Variants in DSCAML1 observed in about 807,000 individuals in gnomAD.
DSCAML1 encodes the protein cell adhesion molecule DSCAML1.
Under a neutral mutation model 200.5 loss-of-function variants are expected in DSCAML1, and 38 were observed. The observed-to-expected ratio is 0.19, with a 90% CI of 0.15 to 0.25. The LOEUF (loss-of-function observed/expected upper bound fraction) is 0.25, where lower values mean the gene tolerates loss of function less well. Among genes scored for constraint, DSCAML1 ranks in the 10% least tolerant of loss-of-function variants. The pLI is 1.00. For missense variants in DSCAML1, 2,223 were observed against 2,858.8 expected (o/e 0.78, Z 5.07); for synonymous variants, 1,215 against 1,165.0 (o/e 1.04, Z -0.87).
intron 1 of DSCAML1, among the ~76,000 whole-genome samples, chr11:117,781,842 C>T (rs774112587): frequency 7.9e-5 from 12 of 152,252 alleles, no homozygotes; most frequent in Non-Finnish European, 1.6e-4. Context: ...AGTGGCAGGG[C>T]CACCTGACTC....
At chr11:117,722,905 C>T (rs1169570502) in intron 3 of DSCAML1, among the ~76,000 whole-genome samples, 1 of 152,106 alleles carries the variant, frequency 6.6e-6, no homozygotes. Context: ...CATGTCCTAC[C>T]CATAACTCCA....
rs530655312 is a variant in DSCAML1 at position 117,746,541 on chromosome 11, C to A, written c.511+30250G>T. Among the ~76,000 whole-genome samples, 47 of 152,262 alleles carry A rather than the reference C, an allele frequency of 3.1e-4. No individual in the cohort carries two copies. The South Asian group carries it at 9.5e-3, about 31-fold the overall frequency. On this transcript the variant is annotated intron_variant, in intron 3 of 32. Transcript: ENST00000651296. ...AAGCCCTCAGGAGAGGGGCCAGTCT[C>A]CTCAGATCCAAGCCTCCCTCCGCGC...
intron 19 of DSCAML1, among the ~76,000 whole-genome samples, chr11:117,453,328 C>T (rs549386832): frequency 6.6e-6 from 1 of 152,366 alleles, no homozygotes; most frequent in Admixed American, 6.5e-5. Context: ...ATACATTCAG[C>T]ATTTAATTGC....
intron 3 of DSCAML1, among the ~76,000 whole-genome samples, chr11:117,655,270 G>A (rs2052712221): frequency 6.6e-6 from 1 of 152,224 alleles, no homozygotes; most frequent in South Asian, 2.1e-4. Context: ...GAAGAGGGCT[G>A]GCTATTTGGG....
intron 20 of DSCAML1, among the ~76,000 whole-genome samples, chr11:117,449,072 A>C (rs922178458): frequency 1.3e-5 from 2 of 152,250 alleles, no homozygotes; most frequent in Admixed American, 6.5e-5. Flanking sequence ...AACGCGAATG[A>C]AATTCAGGAA....
chr11:117,796,194 C>T (rs935283655), intron 1 of DSCAML1, among the ~76,000 whole-genome samples: 1 of 152,236 alleles, frequency 6.6e-6, no homozygotes, highest in Non-Finnish European at 1.5e-5. Context: ...ACGCAGCGCC[C>T]CAGCCGCAGG....
At chr11:117,698,232 A>G (rs1565880888) in intron 3 of DSCAML1, among the ~76,000 whole-genome samples, 1 of 152,136 alleles carries the variant, frequency 6.6e-6, no homozygotes, top group African/African-American at 2.4e-5. Context: ...CCTGTGTTCA[A>G]TTCTTTTGGG....
At chr11:117,795,300 G>A (rs918149487) in intron 1 of DSCAML1, among the ~76,000 whole-genome samples, 4 of 152,298 alleles carry the variant, frequency 2.6e-5, no homozygotes, top group South Asian at 2.1e-4. Context: ...GACAAATTGC[G>A]AAAGGGGATG....
At position 117,781,312 on chromosome 11, in the gene DSCAML1, AAGAAAAAAAGAAAAG is replaced by A. The variant is rs1213179834; in HGVS notation, c.47-517_47-503del. ...TCTCGAAAAAAAAAAAAAAGAAAGAAAGAAAAAAAGAAAAGAGAAAAAAAGAAAATCCCAGGATTT... is the reference window on the plus strand; with the variant it reads ...TCTCGAAAAAAAAAAAAAAGAAAGAAAGAAAAAAAGAAAATCCCAGGATTT... On this transcript the variant is annotated intron_variant, in intron 1 of 32. Transcript: ENST00000651296. Among the ~76,000 whole-genome samples the A allele has an allele frequency of 3.3e-5, 5 of 152,068 alleles. No homozygotes were observed. The East Asian group carries it at 7.7e-4, about 24-fold the overall frequency.
chr11:117,808,841 C>A (rs190129164), intron 1 of DSCAML1, among the ~76,000 whole-genome samples: 82 of 152,316 alleles, frequency 5.4e-4, no homozygotes, highest in African/African-American at 1.9e-3. Flanking sequence ...TACATGTTCG[C>A]AGCACTTTGT....
intron 8 of DSCAML1, among the ~76,000 whole-genome samples, chr11:117,509,268 A>G (rs936121460): frequency 6.6e-6 from 1 of 152,056 alleles, no homozygotes; most frequent in African/African-American, 2.4e-5. Context: ...CAAACAATAC[A>G]TGGGGTGAAG....
At chr11:117,773,790 T>G (rs1361767519) in intron 3 of DSCAML1, among the ~76,000 whole-genome samples, 1 of 152,122 alleles carries the variant, frequency 6.6e-6, no homozygotes, top group Non-Finnish European at 1.5e-5. Context: ...TGGAGAAGAC[T>G]GGCCCCGGAT....
chr11:117,602,987 T>C (rs2051493205), intron 3 of DSCAML1, among the ~76,000 whole-genome samples: 1 of 152,046 alleles, frequency 6.6e-6, no homozygotes, highest in Non-Finnish European at 1.5e-5. Flanking sequence ...TCCCAGCCAC[T>C]TGGGAGGCTG....
chr11:117,457,720 G>A (rs774810071), intron 19 of DSCAML1, among the ~76,000 whole-genome samples: 136 of 152,160 alleles, frequency 8.9e-4, no homozygotes, highest in Non-Finnish European at 1.7e-3. Context: ...GGCACTGGGC[G>A]ACAATGGCAG....
At chr11:117,556,612 A>G (rs2050563603) in intron 3 of DSCAML1, among the ~76,000 whole-genome samples, 1 of 152,082 alleles carries the variant, frequency 6.6e-6, no homozygotes, top group Non-Finnish European at 1.5e-5. Flanking sequence ...CCATGGACCT[A>G]CCCTACGTGA....
intron 3 of DSCAML1, among the ~76,000 whole-genome samples, chr11:117,593,863 C>T (rs1000763816): frequency 2.0e-5 from 3 of 152,030 alleles, no homozygotes; most frequent in South Asian, 2.1e-4. Flanking sequence ...AGGCGCCCGC[C>T]ACCACACCTG....
At chr11:117,805,816 C>T (rs986754621) in intron 1 of DSCAML1, among the ~76,000 whole-genome samples, 2 of 152,200 alleles carry the variant, frequency 1.3e-5, no homozygotes, top group African/African-American at 4.8e-5. Context: ...AGCTTGCATT[C>T]CAGTGGAGTA....
intron 3 of DSCAML1, among the ~76,000 whole-genome samples, chr11:117,691,249 C>A (rs575380426): frequency 6.6e-6 from 1 of 152,236 alleles, no homozygotes; most frequent in Non-Finnish European, 1.5e-5. Context: ...ATGGACCTCC[C>A]TGAAAACACA....
chr11:117,720,078 C>T (rs569049228), intron 3 of DSCAML1, among the ~76,000 whole-genome samples: 14 of 152,022 alleles, frequency 9.2e-5, no homozygotes, highest in African/African-American at 3.4e-4. Flanking sequence ...GGCACTGGAT[C>T]TCTCCGTGGA....
Sources: gnomAD v4.1 joint callset for allele counts (sites outside exome capture counted in the v4.1 genomes callset) on GRCh38, gnomAD v4.1.1 for gene constraint, MANE v1.5 for transcripts, NCBI Gene and HGNC (gene_info 2026-07-23, HGNC 2026-07-21) for gene names.